N4BP2: variants seen among roughly 807,000 people sequenced by gnomAD.
N4BP2 encodes NEDD4 binding protein 2.
Under a neutral mutation model 152.8 loss-of-function variants are expected in N4BP2, and 91 were observed. The ratio of observed to expected loss-of-function variants is 0.60; its 90% CI spans 0.50 to 0.71. N4BP2 has a LOEUF of 0.71. Among genes scored for constraint, N4BP2 ranks in the 30% least tolerant of loss-of-function variants. The pLI, the probability that N4BP2 is intolerant of heterozygous loss-of-function variation, is 0.00. For synonymous variants in N4BP2, 646 were observed against 705.3 expected, an observed-to-expected ratio of 0.92 and a Z score of 1.33; for missense variants, 1,923 against 2,059.1, an observed-to-expected ratio of 0.93 and a Z score of 1.28.
intron 1 of N4BP2, among the ~76,000 whole-genome samples, chr4:40,064,359 C>G (rs1377265450): frequency 2.0e-5 from 3 of 152,050 alleles, no homozygotes; most frequent in African/African-American, 4.8e-5. Context: ...ACTGCAACCT[C>G]TGCCTCTTGG....
chr4:40,109,348 C>T lies in N4BP2; in HGVS notation c.1498+2324C>T, dbSNP rs147713072. 1.1e-4 allele frequency among the ~76,000 whole-genome samples: 17 copies of T among 152,162 alleles called. No homozygotes were observed. The East Asian group carries it at 3.1e-3, about 28-fold the overall frequency. On this transcript the variant is annotated intron_variant, in intron 5 of 17. Coordinates refer to ENST00000261435, the MANE Select transcript of N4BP2 (RefSeq NM_018177.6). The stretch of plus-strand genomic sequence containing the variant: ...TGCAATTTACTTATACTTTCCAAGG[C>T]CCAGTGTCCCCTTTGTAAAAGGGAA...
chr4:40,120,408 C>G lies in N4BP2; in HGVS notation c.2297C>G (p.Ala766Gly). 6.2e-7 allele frequency: 1 copy of G among 1,613,756 alleles called. No individual in the cohort carries two copies. The highest frequency in any genetic ancestry group is 8.5e-7 in the Non-Finnish European group (1 of 1,179,990). The stretch of plus-strand genomic sequence containing the variant: ...GAAAGAGCAACAGTAACGAAAAAAG[C>G]CTTTGGGAAACAAAAAAGCAAATCG... ...VEERATVTKK[A>G]FGKQKSKSTL... is the part of the protein sequence containing the mutation. The change falls in exon 9 of 18, where the codon GCC (alanine) becomes GGC (glycine). Residue 766 changes from alanine (A) to glycine (G), a missense_variant. Physicochemically the swap from Ala to Gly is moderately conservative, Grantham distance 60 (BLOSUM62 0). Transcript: ENST00000261435.
At chr4:40,153,264 C>G (rs191914980) in intron 17 of N4BP2, among the ~76,000 whole-genome samples, 138 of 152,142 alleles carry the variant, frequency 9.1e-4, no homozygotes, top group Middle Eastern at 3.4e-3. Context: ...TGATAATATG[C>G]AAAATAATTA....
intron 12 of N4BP2, 124 bp from the exon 13 acceptor site, chr4:40,131,677 T>C (rs1718916667): frequency 5.9e-6 from 4 of 680,114 alleles, no homozygotes; most frequent in African/African-American, 1.8e-5. Context: ...CTTTAATCCG[T>C]AAAGAAAGTC....
the N4BP2 span, among the ~76,000 whole-genome samples, chr4:40,190,448 A>G: frequency 3.3e-5 from 5 of 152,224 alleles, no homozygotes; most frequent in Non-Finnish European, 7.3e-5. Flanking sequence ...ACTCATTGTG[A>G]CAATAAACAC....
rs146360547 is a variant in N4BP2 at position 40,088,250 on chromosome 4, G to C, written c.-114-8977G>C. 4.8e-3 allele frequency among the ~76,000 whole-genome samples: 732 copies of C among 152,204 alleles called. 8 individuals carry two copies. Among genetic ancestry groups the C allele is most frequent in the African/African-American group, 0.016 (670 of 41,538 alleles). ...ATGAATAAAGCTGCTGTAAACATTTGTTTACAGGTTTTTAGATGAATATAA... is the reference window on the plus strand; with the variant it reads ...ATGAATAAAGCTGCTGTAAACATTTCTTTACAGGTTTTTAGATGAATATAA... On this transcript the variant is annotated intron_variant, in intron 2 of 17. Coordinates refer to ENST00000261435, the MANE Select transcript of N4BP2 (RefSeq NM_018177.6).
chr4:40,068,251 TTC>T (rs1711752004), intron 1 of N4BP2, among the ~76,000 whole-genome samples: 1 of 152,220 alleles, frequency 6.6e-6, no homozygotes, highest in Non-Finnish European at 1.5e-5. Context: ...TGCAAATATT[TTC>T]TCTCATTCCG....
At chr4:40,061,510 G>A (rs977280625) in intron 1 of N4BP2, among the ~76,000 whole-genome samples, 4 of 148,660 alleles carry the variant, frequency 2.7e-5, no homozygotes, top group African/African-American at 1.0e-4. Context: ...GATTACAGAT[G>A]TGCACCACCA....
At position 40,097,490 on chromosome 4, in the gene N4BP2, C is replaced by T. The variant is rs1715204651; in HGVS notation, c.150C>T (p.Leu50=). 3 of 1,613,854 alleles carry T rather than the reference C, an allele frequency of 1.9e-6. No homozygotes were observed. Among genetic ancestry groups the T allele is most frequent in the Admixed American group, 1.7e-5 (1 of 59,986 alleles). Residue 50 remains leucine (L), a synonymous_variant, in exon 3 of 18, where the codon CTC becomes CTT. Coordinates refer to ENST00000261435, the MANE Select transcript of N4BP2 (RefSeq NM_018177.6). ...AGACAAAAGTTGATCAGGAAGAACTCTTCACCAGTATCTCAGAGATATTTT... is the reference window on the plus strand; with the variant it reads ...AGACAAAAGTTGATCAGGAAGAACTTTTCACCAGTATCTCAGAGATATTTT... The part of the protein sequence containing the change: ...MGETKVDQEE[L]FTSISEIFSD...
rs778070236 is a variant in N4BP2 at position 40,103,000 on chromosome 4, C to T, written c.1155C>T (p.Thr385=). Residue 385 remains threonine (T), a synonymous_variant, in exon 4 of 18, where the codon ACC becomes ACT. Transcript: ENST00000261435. ...ATGGCTTTGTAGCTCCTGTTGTAAC[C>T]ACAGCTGCACACTGGAGATCTGTCA... ...GNHGFVAPVV[T]TAAHWRSVNY... The T allele has an allele frequency of 4.3e-6, 7 of 1,613,994 alleles. No homozygotes were observed. The highest frequency in any genetic ancestry group is 1.6e-4 in the Middle Eastern group (1 of 6,084).
the N4BP2 span, among the ~76,000 whole-genome samples, chr4:40,175,969 A>G: frequency 4.6e-5 from 7 of 151,002 alleles, no homozygotes; most frequent in South Asian, 8.4e-4. Context: ...GGGCGCCTGT[A>G]GTCCCAGCTA....
At chr4:40,183,366 G>T in the N4BP2 span, among the ~76,000 whole-genome samples, 2 of 143,572 alleles carry the variant, frequency 1.4e-5, no homozygotes, top group Non-Finnish European at 3.0e-5. Context: ...GACGGCGTCT[G>T]GCTCTGTCGC....
rs558916423 is a variant in N4BP2, at chr4:40,140,742, C to T, written c.4786-1931C>T. Among the ~76,000 whole-genome samples the T allele has an allele frequency of 8.1e-3, 1,226 of 151,836 alleles. 6 individuals are homozygous for T. The highest frequency in any genetic ancestry group is 0.013 in the Non-Finnish European group (894 of 67,908). ...CTAGGCAGAGGACCCTGCGGCCTTCCGCAGTGTTTGTGTCCCTGGGCACTT... is the reference window on the plus strand; with the variant it reads ...CTAGGCAGAGGACCCTGCGGCCTTCTGCAGTGTTTGTGTCCCTGGGCACTT... On this transcript the variant is annotated intron_variant, in intron 14 of 17. Transcript: ENST00000261435.
intron 16 of N4BP2, among the ~76,000 whole-genome samples, chr4:40,147,607 C>T (rs1345865005): frequency 2.6e-5 from 4 of 150,970 alleles, no homozygotes; most frequent in Non-Finnish European, 4.4e-5. Context: ...ACCTCCCTCC[C>T]GGACGGGGCG....
chr4:40,112,162 A>G lies in N4BP2; in HGVS notation c.1577A>G (p.Tyr526Cys), dbSNP rs1415150583. 1 of 1,562,304 alleles carries G rather than the reference A, an allele frequency of 6.4e-7. No individual in the cohort carries two copies. The change falls in exon 6 of 18, where the codon TAT becomes TGT. Residue 526 changes from tyrosine to cysteine, a missense_variant. Tyr to Cys is a radical substitution (Grantham distance 194). Transcript: ENST00000261435. Reference protein sequence around the residue: ...TNLQAWEMKPYVALSQKHKYK... With the variant: ...TNLQAWEMKPCVALSQKHKYK... ...CTACAGGCATGGGAAATGAAACCAT[A>G]TGTTGCTTTGGTTAGTACCATAAGT...
the N4BP2 span, among the ~76,000 whole-genome samples, chr4:40,177,880 C>A: frequency 6.6e-6 from 1 of 152,068 alleles, no homozygotes; most frequent in Non-Finnish European, 1.5e-5. Context: ...AGCCCAGGTG[C>A]CTGCATGGGT....
At chr4:40,123,300 A>C in intron 10 of N4BP2, 88 bp downstream of exon 10, 1 of 855,618 alleles carries the variant, frequency 1.2e-6, no homozygotes, top group South Asian at 1.8e-5. Flanking sequence ...AATATTAAGG[A>C]GTTCTATTGA....
chr4:40,064,370 G>C (rs1028588364), intron 1 of N4BP2, among the ~76,000 whole-genome samples: 1 of 152,024 alleles, frequency 6.6e-6, no homozygotes, highest in Non-Finnish European at 1.5e-5. Context: ...TGCCTCTTGG[G>C]TTCAAGTGAT....
At chr4:40,149,613 GGCCAGGCTCAGTGGCTCATGCCT>G (rs1227646628) in intron 16 of N4BP2, among the ~76,000 whole-genome samples, 1 of 152,180 alleles carries the variant, frequency 6.6e-6, no homozygotes, top group Non-Finnish European at 1.5e-5. Flanking sequence ...GAGAAAAAGA[GGCCAGGCTCAGTGGCTCATGCCT>G]GTAATCCCAG....
Sources: allele counts gnomAD v4.1 joint callset (sites outside exome capture counted in the v4.1 genomes callset), GRCh38; gene constraint gnomAD v4.1.1; transcripts MANE v1.5; gene names NCBI Gene and HGNC (gene_info 2026-07-23, HGNC 2026-07-21).